Variants in TRAPPC12 observed in about 807,000 individuals in gnomAD.
TRAPPC12 encodes the protein TPR repeat protein 15.
A neutral mutation model predicts 69.2 loss-of-function variants in TRAPPC12; 61 were observed. That is an observed-to-expected ratio of 0.88 (90% CI 0.72 to 1.09). TRAPPC12 has a LOEUF of 1.09. Among genes scored for constraint, TRAPPC12 ranks in the 50% least tolerant of loss-of-function variants. The pLI is 0.00. For synonymous variants in TRAPPC12, 469 were observed against 438.9 expected, an observed-to-expected ratio of 1.07 and a Z score of -0.86; for missense variants, 1,101 against 1,016.4, an observed-to-expected ratio of 1.08 and a Z score of -1.13.
At chr2:3,403,865 C>A (rs1247559096) in intron 3 of TRAPPC12, among the ~76,000 whole-genome samples, 6 of 152,210 alleles carry the variant, frequency 3.9e-5, no homozygotes, top group Non-Finnish European at 8.8e-5. Context: ...TATAGCCTGT[C>A]CCCATTCTGC....
At chr2:3,463,366 T>C (rs4268951) in intron 8 of TRAPPC12, among the ~76,000 whole-genome samples, 20,203 of 151,528 alleles carry the variant, frequency 0.13, 3,803 homozygotes, top group African/African-American at 0.42. Context: ...GCGCTACTGT[T>C]GCTGAGCTGG....
Position 3,380,678 on chromosome 2 carries a change from A to G in TRAPPC12, c.-5+802A>G, listed in dbSNP as rs138787332. Among the ~76,000 whole-genome samples, 3 of 152,334 alleles carry G rather than the reference A, an allele frequency of 2.0e-5. No individual in the cohort carries two copies. The East Asian group carries it at 5.8e-4, about 29-fold the overall frequency. The stretch of plus-strand genomic sequence containing the variant: ...GGTGGGAGAGGGACAGGGGAAAAGC[A>G]AATGAAATATTACACAGTGTTACTC... On this transcript the variant is annotated intron_variant, in intron 1 of 11. Transcript: ENST00000324266.
intron 1 of TRAPPC12, among the ~76,000 whole-genome samples, chr2:3,384,401 GA>G (rs1222940180): frequency 6.6e-6 from 1 of 152,152 alleles, no homozygotes; most frequent in Admixed American, 6.5e-5. Flanking sequence ...TACTTTTAAA[GA>G]GAATGCTTTA....
intron 2 of TRAPPC12, chr2:3,389,777 A>C (rs1279813313): frequency 4.4e-6 from 2 of 452,160 alleles, no homozygotes; most frequent in Admixed American, 4.9e-5. Flanking sequence ...CGACAACCAG[A>C]GTGTGAGGAG....
intron 6 of TRAPPC12, chr2:3,457,141 T>C: frequency 2.2e-6 from 1 of 464,030 alleles, no homozygotes; most frequent in Non-Finnish European, 4.4e-6. Flanking sequence ...CAAATCATGT[T>C]GTTTGCAGCA....
chr2:3,424,739 G>A (rs80212000), intron 5 of TRAPPC12, 76 bp downstream of exon 5: 24,016 of 1,409,378 alleles, frequency 0.017, 749 homozygotes, highest in East Asian at 0.15. Context: ...ACATAATTTC[G>A]TAGCCTCAGT....
intron 5 of TRAPPC12, among the ~76,000 whole-genome samples, chr2:3,426,562 G>A (rs1663112137): frequency 6.6e-6 from 1 of 152,258 alleles, no homozygotes; most frequent in Non-Finnish European, 1.5e-5. Flanking sequence ...GGGGCCAGAG[G>A]AGTCTCGGGA....
At chr2:3,455,585 T>C (rs1345085604) in intron 6 of TRAPPC12, 1 of 152,196 alleles carries the variant, frequency 6.6e-6, no homozygotes, top group African/African-American at 2.4e-5. Flanking sequence ...CTCCCACAGA[T>C]AAGTGAGAAC....
At chr2:3,386,493 A>T (rs1660499173) in intron 1 of TRAPPC12, among the ~76,000 whole-genome samples, 1 of 152,150 alleles carries the variant, frequency 6.6e-6, no homozygotes, top group Non-Finnish European at 1.5e-5. Context: ...AGACAGTGAT[A>T]GCAGCTGTCT....
intron 3 of TRAPPC12, among the ~76,000 whole-genome samples, chr2:3,412,199 A>G (rs1281740818): frequency 1.3e-5 from 2 of 152,220 alleles, no homozygotes; most frequent in Non-Finnish European, 2.9e-5. Context: ...CACTGCCCCA[A>G]GGAGCTAAAG....
At chr2:3,413,924 G>A (rs1662199808) in intron 3 of TRAPPC12, among the ~76,000 whole-genome samples, 1 of 152,068 alleles carries the variant, frequency 6.6e-6, no homozygotes, top group Non-Finnish European at 1.5e-5. Flanking sequence ...CATTTGCCCT[G>A]GCCAGAATCC....
intron 3 of TRAPPC12, among the ~76,000 whole-genome samples, chr2:3,416,452 G>T (rs1371350122): frequency 6.6e-6 from 1 of 151,924 alleles, no homozygotes; most frequent in African/African-American, 2.4e-5. Context: ...GGGCCCCCAG[G>T]CCACTTCCTA....
chr2:3,397,309 G>A (rs1438884920), intron 2 of TRAPPC12, among the ~76,000 whole-genome samples: 1 of 152,224 alleles, frequency 6.6e-6, no homozygotes, highest in Non-Finnish European at 1.5e-5. Context: ...TCTGAAGTCT[G>A]TACTGAATTC....
chr2:3,478,429 T>C (rs1194067107), intron 10 of TRAPPC12, among the ~76,000 whole-genome samples: 2 of 152,010 alleles, frequency 1.3e-5, no homozygotes, highest in African/African-American at 4.8e-5. Context: ...GGTCAGGAGT[T>C]TGAGGCCAGC....
At chr2:3,428,436 G>A (rs998020342) in intron 5 of TRAPPC12, among the ~76,000 whole-genome samples, 1 of 152,164 alleles carries the variant, frequency 6.6e-6, no homozygotes, top group African/African-American at 2.4e-5. Context: ...AGAGCAAGTT[G>A]TTAAAATGTG....
chr2:3,447,154 G>T (rs1664554026), intron 6 of TRAPPC12, among the ~76,000 whole-genome samples: 1 of 151,452 alleles, frequency 6.6e-6, no homozygotes, highest in Admixed American at 6.6e-5. Flanking sequence ...AGGCTGGAGT[G>T]CAGTGGCGCT....
chr2:3,466,038 G>A (rs776631679), intron 9 of TRAPPC12, among the ~76,000 whole-genome samples: 3 of 152,200 alleles, frequency 2.0e-5, no homozygotes, highest in Non-Finnish European at 1.5e-5. Context: ...ATAGTCACTC[G>A]CTGATATTTT....
chr2:3,449,750 G>A (rs761324589), intron 6 of TRAPPC12, among the ~76,000 whole-genome samples: 7 of 152,132 alleles, frequency 4.6e-5, no homozygotes, highest in Non-Finnish European at 1.0e-4. Flanking sequence ...CCCGCACACC[G>A]ACAGTGGCCA....
In TRAPPC12 at chr2:3,478,798, C is replaced by T. The variant is rs369801325; in HGVS notation, c.1878-48C>T. On this transcript the variant is annotated intron_variant, in intron 10 of 11. Coordinates refer to ENST00000324266, the MANE Select transcript of TRAPPC12 (RefSeq NM_016030.6). ...CCCTGTGGGTTGTGTTGGGGGACAG[C>T]AGCTCCTGGGCTTTCCCCGCTAACT... is the stretch of plus-strand genomic sequence containing the variant. The T allele has an allele frequency of 4.1e-4, 637 of 1,547,470 alleles. 4 individuals carry two copies. Among genetic ancestry groups the T allele is most frequent in the South Asian group, 9.0e-4 (80 of 89,200 alleles).
Sources: allele counts gnomAD v4.1 joint callset (sites outside exome capture counted in the v4.1 genomes callset), GRCh38; gene constraint gnomAD v4.1.1; transcripts MANE v1.5; gene names NCBI Gene and HGNC (gene_info 2026-07-23, HGNC 2026-07-21).